The following OPN3 variants were observed in gnomAD, a reference collection of about 807,000 sequenced individuals.
OPN3 encodes opsin-3.
A neutral mutation model predicts 33.8 loss-of-function variants in OPN3; 29 were observed. The ratio of observed to expected loss-of-function variants is 0.86; its 90% CI spans 0.64 to 1.17. The LOEUF (loss-of-function observed/expected upper bound fraction) is 1.17, where lower values mean the gene tolerates loss of function less well. OPN3 is among the 50% of genes most tolerant of loss of function. The probability of loss-of-function intolerance (pLI) is 0.00; values close to 1 mark genes in which losing one functional copy is unlikely to be tolerated. For missense variants in OPN3, 437 were observed against 514.1 expected (o/e 0.85, Z 1.45); for synonymous variants, 216 against 216.1 (o/e 1.00, Z 0.00).
At chr1:241,629,327 T>C (rs1448402255) in intron 1 of OPN3, 1 of 152,154 alleles carries the variant, frequency 6.6e-6, no homozygotes, top group Admixed American at 6.5e-5. Context: ...AGGCTACTAA[T>C]ACACAATGCT....
chr1:241,601,999 A>G (rs1663691267), intron 2 of OPN3, among the ~76,000 whole-genome samples: 2 of 152,232 alleles, frequency 1.3e-5, no homozygotes, highest in South Asian at 4.1e-4. Context: ...TTCAAGAGGC[A>G]ATTGACTACG....
chr1:241,594,081 G>T lies in OPN3; in HGVS notation c.*347C>A, dbSNP rs546404813. 6.5e-4 allele frequency: 161 copies of T among 246,934 alleles called. No homozygotes were observed. Among genetic ancestry groups the T allele is most frequent in the Middle Eastern group, 4.5e-3 (3 of 674 alleles). 15.3% of individuals were successfully genotyped at this position (246,934 alleles called of 1,614,324 possible). On this transcript the variant is annotated 3_prime_UTR_variant, in exon 4 of 4. Transcript: ENST00000366554. ...TGTGTACGCGACAGTTATTTTTACA[G>T]TAAGGTATTTTCGAGAAAAATGCAT...
intron 1 of OPN3, among the ~76,000 whole-genome samples, chr1:241,621,957 G>C (rs2148013748): frequency 6.6e-6 from 1 of 152,236 alleles, no homozygotes; most frequent in Non-Finnish European, 1.5e-5. Flanking sequence ...GTGGTATGTT[G>C]ATTTCTGGAA....
intron 1 of OPN3, among the ~76,000 whole-genome samples, chr1:241,613,704 A>G (rs112607342): frequency 0.011 from 1,614 of 152,300 alleles, 22 homozygotes; most frequent in African/African-American, 0.037. Flanking sequence ...TGCTAGAACA[A>G]CCAAAGTGGT....
chr1:241,602,394 G>A (rs1002099925), intron 2 of OPN3, among the ~76,000 whole-genome samples: 6 of 152,124 alleles, frequency 3.9e-5, no homozygotes, highest in Admixed American at 6.6e-5. Context: ...GTGGCAGTGC[G>A]GTAGAGGAAG....
intron 1 of OPN3, chr1:241,628,880 T>C (rs2148018926): frequency 6.5e-6 from 1 of 152,706 alleles, no homozygotes. Flanking sequence ...AATTAATCTT[T>C]TATTTTTTAT....
intron 1 of OPN3, among the ~76,000 whole-genome samples, chr1:241,623,481 T>C (rs1290620974): frequency 6.6e-6 from 1 of 152,216 alleles, no homozygotes; most frequent in Non-Finnish European, 1.5e-5. Context: ...TACCATTAGG[T>C]GCTTCTCCAC....
At chr1:241,629,349 G>A (rs979256551) in intron 1 of OPN3, 3 of 152,062 alleles carry the variant, frequency 2.0e-5, no homozygotes, top group Non-Finnish European at 2.9e-5. Context: ...CTGCTATAAG[G>A]ACACATGCAA....
chr1:241,605,648 C>A (rs1663809734), intron 1 of OPN3, among the ~76,000 whole-genome samples: 1 of 152,198 alleles, frequency 6.6e-6, no homozygotes, highest in South Asian at 2.1e-4. Context: ...AATGACCATG[C>A]AATGTGTGAA....
At chr1:241,638,177 A>G (rs988692549) in intron 1 of OPN3, among the ~76,000 whole-genome samples, 2 of 152,214 alleles carry the variant, frequency 1.3e-5, no homozygotes, top group African/African-American at 2.4e-5. Context: ...TGAAAGCACT[A>G]AATGCCCTGA....
chr1:241,600,488 A>G (rs1281306120), intron 2 of OPN3: 1 of 152,190 alleles, frequency 6.6e-6, no homozygotes, highest in Non-Finnish European at 1.5e-5. Flanking sequence ...ACCAGCTAAG[A>G]CAAATTCTTC....
intron 2 of OPN3, among the ~76,000 whole-genome samples, chr1:241,600,167 T>C (rs1274236714): frequency 6.6e-6 from 1 of 152,250 alleles, no homozygotes; most frequent in Admixed American, 6.5e-5. Context: ...GGGAAATTAA[T>C]TTAAATAAAT....
intron 1 of OPN3, chr1:241,633,875 T>C: frequency 6.2e-7 from 1 of 1,613,896 alleles, no homozygotes. Context: ...TACTACATTA[T>C]TGGTTCCAGG....
chr1:241,598,914 C>G (rs1288736685), intron 2 of OPN3, among the ~76,000 whole-genome samples: 1 of 152,018 alleles, frequency 6.6e-6, no homozygotes, highest in Non-Finnish European at 1.5e-5. Context: ...ATAGTTAATA[C>G]TTAGTATTGA....
chr1:241,618,087 A>G (rs1664182289), intron 1 of OPN3, among the ~76,000 whole-genome samples: 1 of 150,406 alleles, frequency 6.6e-6, no homozygotes, highest in Admixed American at 6.6e-5. Context: ...CCAAGACCAC[A>G]AAGTAGGTGT....
chr1:241,597,065 A>G (rs1055553490), intron 3 of OPN3, among the ~76,000 whole-genome samples: 24 of 152,162 alleles, frequency 1.6e-4, no homozygotes, highest in African/African-American at 5.3e-4. Context: ...TCTTAGCTCA[A>G]GCAATCCTTC....
chr1:241,615,728 C>T (rs1007404201), intron 1 of OPN3: 3 of 409,972 alleles, frequency 7.3e-6, no homozygotes, highest in African/African-American at 2.0e-5. Flanking sequence ...CCCAGATCTC[C>T]GTGACTCCAC....
intron 1 of OPN3, among the ~76,000 whole-genome samples, chr1:241,637,851 T>C (rs948791106): frequency 4.6e-5 from 7 of 152,126 alleles, no homozygotes; most frequent in Non-Finnish European, 7.4e-5. Flanking sequence ...TTCCAACAGA[T>C]AGGGCAAGCC....
intron 1 of OPN3, among the ~76,000 whole-genome samples, chr1:241,604,990 A>G (rs1663787280): frequency 6.6e-6 from 1 of 150,936 alleles, no homozygotes. Flanking sequence ...AGAGAGGTCG[A>G]GGTTGCAGTG....
Sources: gnomAD v4.1 joint callset for allele counts (sites outside exome capture counted in the v4.1 genomes callset) on GRCh38, gnomAD v4.1.1 for gene constraint, MANE v1.5 for transcripts, NCBI Gene and HGNC (gene_info 2026-07-23, HGNC 2026-07-21) for gene names.